SNX29: variants seen among roughly 807,000 people sequenced by gnomAD.
The protein encoded by SNX29 is sorting nexin 29.
Under a neutral mutation model 102.1 loss-of-function variants are expected in SNX29, and 78 were observed. That is an observed-to-expected ratio of 0.76 (90% confidence interval 0.64 to 0.92). SNX29 has a LOEUF of 0.92. Ranked by LOEUF, SNX29 falls within the 40% of genes least tolerant of loss-of-function variation. The pLI is 0.00. For synonymous variants in SNX29, 580 were observed against 414.5 expected, an observed-to-expected ratio of 1.40 and a Z score of -4.85; for missense variants, 1,280 against 1,061.7, an observed-to-expected ratio of 1.21 and a Z score of -2.86.
chr16:12,113,108 CCTCTGCTTCCCTT>C (rs1267967556), intron 11 of SNX29, among the ~76,000 whole-genome samples: 1 of 152,210 alleles, frequency 6.6e-6, no homozygotes, highest in African/African-American at 2.4e-5. Flanking sequence ...TGGGCAGCAT[CCTCTGCTTCCCTT>C]CCCTGCTCTC....
intron 4 of SNX29, among the ~76,000 whole-genome samples, chr16:12,036,600 C>T (rs1425193011): frequency 1.3e-5 from 2 of 152,120 alleles, no homozygotes; most frequent in East Asian, 1.9e-4. Flanking sequence ...TCCCAAAGTG[C>T]TGGGATTACA....
At chr16:12,068,436 C>T (rs1413249512) in intron 9 of SNX29, among the ~76,000 whole-genome samples, 3 of 145,766 alleles carry the variant, frequency 2.1e-5, no homozygotes, top group Non-Finnish European at 3.0e-5. Context: ...TGCAGTGAGC[C>T]GTGATCACAC....
At chr16:12,210,524 C>T (rs1596516605) in intron 14 of SNX29, among the ~76,000 whole-genome samples, 1 of 151,574 alleles carries the variant, frequency 6.6e-6, no homozygotes, top group Admixed American at 6.6e-5. Flanking sequence ...AGAATGGAGT[C>T]GATGCAGAGG....
chr16:12,242,744 A>G (rs904789564), intron 14 of SNX29, among the ~76,000 whole-genome samples: 1 of 150,172 alleles, frequency 6.7e-6, no homozygotes, highest in African/African-American at 2.5e-5. Flanking sequence ...GCCTCAACCT[A>G]CCAGGCTCCA....
chr16:12,252,385 G>A (rs1247611237), intron 14 of SNX29, among the ~76,000 whole-genome samples: 1 of 152,184 alleles, frequency 6.6e-6, no homozygotes, highest in South Asian at 2.1e-4. Flanking sequence ...GGTCCTCTGA[G>A]CCCCTGCCCC....
At chr16:12,354,659 T>A (rs556605550) in intron 15 of SNX29, among the ~76,000 whole-genome samples, 9 of 152,246 alleles carry the variant, frequency 5.9e-5, no homozygotes, top group African/African-American at 2.2e-4. Context: ...TGCTGCGTGG[T>A]GAATGGATTC....
At chr16:12,487,720 G>A (rs1004203717) in intron 19 of SNX29, among the ~76,000 whole-genome samples, 1 of 152,192 alleles carries the variant, frequency 6.6e-6, no homozygotes, top group African/African-American at 2.4e-5. Context: ...CAGAGATGCA[G>A]GGAGTTCACA....
chr16:12,451,927 T>C (rs571346357), intron 18 of SNX29, among the ~76,000 whole-genome samples: 44 of 152,326 alleles, frequency 2.9e-4, no homozygotes, highest in Non-Finnish European at 5.6e-4. Flanking sequence ...TCCAGTTCTC[T>C]CTTTCTTAAA....
chr16:12,144,393 C>T lies in SNX29; in HGVS notation c.1595+14635C>T, dbSNP rs1267919248. On this transcript the variant is annotated intron_variant, in intron 13 of 20. Coordinates refer to ENST00000566228, the MANE Select transcript of SNX29 (RefSeq NM_032167.5). Reference sequence around the variant, plus strand: ...GTTTGTGCTATGGTTAGAAGGTTGTCCCTCTAAAACTCATGTTGAAACTTA... The same window carrying T: ...GTTTGTGCTATGGTTAGAAGGTTGTTCCTCTAAAACTCATGTTGAAACTTA... 2.6e-5 allele frequency among the ~76,000 whole-genome samples: 4 copies of T among 152,136 alleles called. No individual in the cohort carries two copies. The East Asian group carries it at 7.7e-4, about 29-fold the overall frequency.
chr16:12,083,955 G>C (rs981444484), intron 11 of SNX29, among the ~76,000 whole-genome samples: 1 of 152,088 alleles, frequency 6.6e-6, no homozygotes, highest in Non-Finnish European at 1.5e-5. Context: ...GTCTTCTATC[G>C]AGCAACCTTT....
chr16:12,524,929 C>G (rs1383399662), intron 20 of SNX29, 88 bp downstream of exon 20: 5 of 1,544,538 alleles, frequency 3.2e-6, no homozygotes, highest in South Asian at 1.2e-5. Flanking sequence ...CACAGCGGCT[C>G]TCCGTGATGC....
At chr16:12,193,712 A>G (rs1408074934) in intron 13 of SNX29, among the ~76,000 whole-genome samples, 4 of 152,084 alleles carry the variant, frequency 2.6e-5, no homozygotes, top group African/African-American at 9.7e-5. Context: ...TTTTTTGCAT[A>G]TGAATGTCTT....
chr16:12,294,306 C>T (rs962152689), intron 15 of SNX29, among the ~76,000 whole-genome samples: 2 of 152,126 alleles, frequency 1.3e-5, no homozygotes, highest in Admixed American at 6.5e-5. Flanking sequence ...TGATGGGGAA[C>T]CCTCTTGTCT....
intron 19 of SNX29, among the ~76,000 whole-genome samples, chr16:12,506,070 C>T (rs2089364763): frequency 6.6e-6 from 1 of 152,230 alleles, no homozygotes; most frequent in South Asian, 2.1e-4. Context: ...AAGTGATTCT[C>T]ATGCCTCAGC....
chr16:12,447,782 A>C (rs755770211), intron 18 of SNX29, among the ~76,000 whole-genome samples: 1 of 152,184 alleles, frequency 6.6e-6, no homozygotes, highest in Admixed American at 6.5e-5. Flanking sequence ...AGAGTGCTTC[A>C]TGTGTCCCAC....
At chr16:12,059,174 G>A (rs1596727725) in intron 8 of SNX29, among the ~76,000 whole-genome samples, 1 of 152,130 alleles carries the variant, frequency 6.6e-6, no homozygotes, top group African/African-American at 2.4e-5. Context: ...ACTTGCATAT[G>A]TTGCGGGGAA....
intron 19 of SNX29, among the ~76,000 whole-genome samples, chr16:12,522,877 CAT>C (rs2090152414): frequency 6.6e-6 from 1 of 152,194 alleles, no homozygotes; most frequent in South Asian, 2.1e-4. Flanking sequence ...GTGGTGTGAT[CAT>C]AGTGCACCGT....
chr16:12,079,252 A>G (rs766551769), intron 11 of SNX29, among the ~76,000 whole-genome samples: 11 of 152,210 alleles, frequency 7.2e-5, no homozygotes, highest in Non-Finnish European at 1.5e-5. Flanking sequence ...TGAAGGACTC[A>G]TTTTTGTAAG....
At chr16:12,490,697 C>T (rs1000276066) in intron 19 of SNX29, among the ~76,000 whole-genome samples, 1 of 152,166 alleles carries the variant, frequency 6.6e-6, no homozygotes, top group African/African-American at 2.4e-5. Context: ...GAATAGGATA[C>T]CAGGCACCTG....
Sources: allele counts gnomAD v4.1 joint callset (sites outside exome capture counted in the v4.1 genomes callset), GRCh38; gene constraint gnomAD v4.1.1; transcripts MANE v1.5; gene names NCBI Gene and HGNC (gene_info 2026-07-23, HGNC 2026-07-21).